Variants in PPAN observed in about 807,000 individuals in gnomAD.
The protein encoded by PPAN is suppressor of SWI4 1 homolog.
Under a neutral mutation model 48.5 loss-of-function variants are expected in PPAN, and 39 were observed. The observed-to-expected ratio is 0.80, with a 90% CI of 0.62 to 1.05. PPAN has a LOEUF of 1.05. Among genes scored for constraint, PPAN ranks in the 50% least tolerant of loss-of-function variants. The probability of loss-of-function intolerance (pLI) is 0.00; values close to 1 mark genes in which losing one functional copy is unlikely to be tolerated. For missense variants in PPAN, 736 were observed against 661.7 expected (o/e 1.11, Z -1.23); for synonymous variants, 315 against 268.6 (o/e 1.17, Z -1.69).
Position 10,111,603 on chromosome 19 carries a change from C to A in PPAN, c.*438C>A. On this transcript the variant is annotated 3_prime_UTR_variant, in exon 12 of 12. Transcript: ENST00000253107. ...GGGTGGAAAGGCACGCTGGCCTGCT[C>A]TGCTGGCTGGGCCAGTAACTGGGGA... 7.6e-7 allele frequency: 1 copy of A among 1,323,286 alleles called. No homozygotes were observed. The highest frequency in any genetic ancestry group is 1.1e-6 in the Non-Finnish European group (1 of 925,384). 82.0% of individuals were successfully genotyped at this position (1,323,286 alleles called of 1,614,324 possible). A position where few individuals can be genotyped will look rare whatever the true frequency, so the allele number is the denominator to read the frequency against.
At position 10,109,700 on chromosome 19, in the gene PPAN, C is replaced by A; in HGVS notation, c.583C>A (p.Arg195Ser). The stretch of plus-strand genomic sequence containing the variant: ...CCCCGACTCCCAGGAGCTGGACTTC[C>A]GCCACTAGTGAGTGTCCCAGCAGGA... ...YNPDSQELDF[R>S]HYSIKVVPVG... is the part of the protein sequence containing the mutation. The change falls in exon 6 of 12, where the codon CGC becomes AGC. Residue 195 changes from arginine (R) to serine (S), a missense_variant. Physicochemically the swap from Arg to Ser is moderately radical, Grantham distance 110. Coordinates refer to ENST00000253107, the MANE Select transcript of PPAN (RefSeq NM_020230.7). 6.2e-7 allele frequency: 1 copy of A among 1,613,816 alleles called. No individual in the cohort carries two copies.
rs533903308 is a variant in PPAN, at chr19:10,111,079, G to A, written c.1336G>A (p.Ala446Thr). 14 of 1,613,194 alleles carry A rather than the reference G, an allele frequency of 8.7e-6. No homozygotes were observed. The highest frequency in any genetic ancestry group is 1.6e-4 in the Middle Eastern group (1 of 6,062). ...CAAGACCAAGGACAAGTCCCAGGGA[G>A]CCCAGGCCAGGCGGGGGCCCAGAGG... ...FPKTKDKSQG[A>T]QARRGPRGAS... Residue 446 changes from alanine (A) to threonine (T), a missense_variant, in exon 12 of 12, where the codon GCC becomes ACC. Physicochemically the swap from Ala to Thr is moderately conservative, Grantham distance 58. Coordinates refer to ENST00000253107, the MANE Select transcript of PPAN (RefSeq NM_020230.7).
rs561050571 is a variant in PPAN at position 10,111,597 on chromosome 19, C to A, written c.*432C>A. The A allele has an allele frequency of 3.3e-6, 4 of 1,229,774 alleles. No homozygotes were observed. The highest frequency in any genetic ancestry group is 4.7e-6 in the Non-Finnish European group (4 of 843,750). 76.2% of individuals were successfully genotyped at this position (1,229,774 alleles called of 1,614,324 possible). ...AAACGTGGGTGGAAAGGCACGCTGGCCTGCTCTGCTGGCTGGGCCAGTAAC... is the reference window on the plus strand; with the variant it reads ...AAACGTGGGTGGAAAGGCACGCTGGACTGCTCTGCTGGCTGGGCCAGTAAC... On this transcript the variant is annotated 3_prime_UTR_variant, in exon 12 of 12. Coordinates refer to ENST00000253107, the MANE Select transcript of PPAN (RefSeq NM_020230.7).
rs149537532 is a variant in PPAN, at chr19:10,107,832, C to T, written c.320C>T (p.Thr107Ile). 68 of 1,613,592 alleles carry T rather than the reference C, an allele frequency of 4.2e-5. No individual in the cohort carries two copies. Among genetic ancestry groups the T allele is most frequent in the Non-Finnish European group, 5.3e-5 (63 of 1,179,660 alleles). The change falls in exon 4 of 12, where the codon ACC (threonine) becomes ATC (isoleucine). Residue 107 changes from threonine (T) to isoleucine (I), a missense_variant. Coordinates refer to ENST00000253107, the MANE Select transcript of PPAN (RefSeq NM_020230.7). The stretch of plus-strand genomic sequence containing the variant: ...CTGATGCGCCTCCCAGGAGGCCCCA[C>T]CTTGACCTTCCAGGTCAAGAAGGTG... ...FKLMRLPGGP[T>I]LTFQVKKYSL...
Position 10,107,773 on chromosome 19 carries a change from C to T in PPAN, c.292-31C>T, listed in dbSNP as rs1291703802. On this transcript the variant is annotated intron_variant, in intron 3 of 11. Transcript: ENST00000253107. The stretch of plus-strand genomic sequence containing the variant: ...CTCCGGGCACCTCTGCTAGACCCCT[C>T]CAGAGTCACTGATCTTTTCTTCTCC... 4 of 1,613,738 alleles carry T rather than the reference C, an allele frequency of 2.5e-6. No individual in the cohort carries two copies. In the South Asian group the frequency reaches 3.3e-5, roughly 13 times the overall value.
chr19:10,111,276 A>C lies in PPAN; in HGVS notation c.*111A>C. ...GTTGTGTCCCCAGCCCTTCCACTCC[A>C]GTAAAGAACTGAATTGGCCAGGGGT... is the stretch of plus-strand genomic sequence containing the variant. On this transcript the variant is annotated 3_prime_UTR_variant, in exon 12 of 12. Coordinates refer to ENST00000253107, the MANE Select transcript of PPAN (RefSeq NM_020230.7). 1.6e-6 allele frequency: 2 copies of C among 1,252,218 alleles called. No homozygotes were observed. The highest frequency in any genetic ancestry group is 2.1e-6 in the Non-Finnish European group (2 of 931,818). The allele number at this position is 1,252,218 out of a possible 1,614,324, so 77.6% of individuals were successfully genotyped here.
At chr19:10,108,173 G>A in intron 5 of PPAN, 39 bp downstream of exon 5, 1 of 1,575,922 alleles carries the variant, frequency 6.3e-7, no homozygotes, top group South Asian at 1.2e-5. Flanking sequence ...ATGGGGGGGT[G>A]CAGCGGATAG....
Position 10,111,953 on chromosome 19 carries a change from TAAAA to T in PPAN, c.*792_*795del, listed in dbSNP as rs948670837. 1.3e-5 allele frequency among the ~76,000 whole-genome samples: 2 copies of T among 151,540 alleles called. No individual in the cohort carries two copies. The highest frequency in any genetic ancestry group is 2.4e-5 in the African/African-American group (1 of 41,196). On this transcript the variant is annotated 3_prime_UTR_variant, in exon 12 of 12. Transcript: ENST00000253107. ...GGAGAAACCCCGTCTCTACTAAAAA[TAAAA>T]AAATTAGCTGGGCCTGGTGGCACAT...
rs868499487 is a variant in PPAN, at chr19:10,106,638, G to T, written c.156G>T (p.Arg52=). The T allele has an allele frequency of 6.5e-7, 1 of 1,546,434 alleles. No homozygotes were observed. The highest frequency in any genetic ancestry group is 1.2e-5 in the South Asian group (1 of 84,324). Residue 52 remains arginine, a synonymous_variant, in exon 2 of 12, where the codon CGG becomes CGT. Coordinates refer to ENST00000253107, the MANE Select transcript of PPAN (RefSeq NM_020230.7). ...GGCAGCTCAGCCTGGACGTGCGGCGGGTCATGGAGCCGCTCACTGCCAGCC... is the reference window on the plus strand; with the variant it reads ...GGCAGCTCAGCCTGGACGTGCGGCGTGTCATGGAGCCGCTCACTGCCAGCC... ...NIRQLSLDVR[R]VMEPLTASRL...
At chr19:10,108,724 C>A (rs955305022) in intron 5 of PPAN, among the ~76,000 whole-genome samples, 2 of 150,868 alleles carry the variant, frequency 1.3e-5, no homozygotes, top group African/African-American at 2.4e-5. Flanking sequence ...TCTACTCCAT[C>A]CTGGGTGACA....
chr19:10,108,053 C>G lies in PPAN; in HGVS notation c.432C>G (p.Asn144Lys), dbSNP rs1017225391. 6.2e-7 allele frequency: 1 copy of G among 1,614,036 alleles called. No homozygotes were observed. Among genetic ancestry groups the G allele is most frequent in the East Asian group, 2.2e-5 (1 of 44,892 alleles). Residue 144 changes from asparagine (N) to lysine (K), a missense_variant, in exon 5 of 12, where the codon AAC becomes AAG. Physicochemically the swap from Asn to Lys is moderately conservative, Grantham distance 94. Coordinates refer to ENST00000253107, the MANE Select transcript of PPAN (RefSeq NM_020230.7). ...QFAHPPLLVL[N>K]SFGPHGMHVK... ...CCCACCCACCCCTCCTGGTACTCAA[C>G]AGCTTTGGCCCCCATGGTATGCATG...
rs1196818779 is a variant in PPAN, at chr19:10,109,979, C to T, written c.657C>T (p.Pro219=). 1.9e-6 allele frequency: 3 copies of T among 1,614,048 alleles called. No individual in the cohort carries two copies. The highest frequency in any genetic ancestry group is 2.2e-5 in the South Asian group (2 of 91,086). ...GMKKLLQEKF[P]NMSRLQDISE... ...AGAAGCTGCTCCAGGAGAAGTTCCC[C>T]AACATGAGCCGCCTGCAGGACATCA... The change falls in exon 7 of 12, where the codon CCC becomes CCT. Residue 219 remains proline, a synonymous_variant. Transcript: ENST00000253107.
chr19:10,107,937 C>A, intron 4 of PPAN, 27 bp from the exon 5 acceptor site: 1 of 1,598,192 alleles, frequency 6.3e-7, no homozygotes, highest in Non-Finnish European at 8.6e-7. Flanking sequence ...GGTTGGTGGT[C>A]ACCCCCTCCT....
chr19:10,109,016 C>T (rs913120459), intron 5 of PPAN, among the ~76,000 whole-genome samples: 5 of 147,012 alleles, frequency 3.4e-5, no homozygotes, highest in Admixed American at 6.9e-5. Flanking sequence ...GGCTGGAGTG[C>T]GGTGGCACAA....
Position 10,106,363 on chromosome 19 carries a change from G to A in PPAN, c.-32G>A, listed in dbSNP as rs1369907370. 6.5e-6 allele frequency: 10 copies of A among 1,548,872 alleles called. No individual in the cohort carries two copies. Among genetic ancestry groups the A allele is most frequent in the South Asian group, 1.2e-5 (1 of 83,906 alleles). ...GAGCTGCGCAGCGCCGGAAGCGGCG[G>A]ACGCAGGAGGCCTCGTGGAGGACAC... is the stretch of plus-strand genomic sequence containing the variant. On this transcript the variant is annotated 5_prime_UTR_variant, in exon 1 of 12. Coordinates refer to ENST00000253107, the MANE Select transcript of PPAN (RefSeq NM_020230.7).
At chr19:10,107,877 A>G (rs1382741270) in intron 4 of PPAN, 23 bp downstream of exon 4, 2 of 1,611,086 alleles carry the variant, frequency 1.2e-6, no homozygotes, top group Non-Finnish European at 1.7e-6. Context: ...GAGGTGGTAC[A>G]AAGCCATGTG....
chr19:10,111,171 A>AGCCGCAC lies in PPAN; in HGVS notation c.*7_*13dup. 6.4e-7 allele frequency: 1 copy of AGCCGCAC among 1,566,654 alleles called. No homozygotes were observed. Among genetic ancestry groups the AGCCGCAC allele is most frequent in the East Asian group, 2.3e-5 (1 of 42,954 alleles). On this transcript the variant is annotated 3_prime_UTR_variant, in exon 12 of 12. Coordinates refer to ENST00000253107, the MANE Select transcript of PPAN (RefSeq NM_020230.7). ...CAGGGAAGAGAGTGGCCTGAGCCCA[A>AGCCGCAC]GCCGCACCGGAGCAGCGGCTGGATT...
chr19:10,111,621 A>G lies in PPAN; in HGVS notation c.*456A>G, dbSNP rs1361272576. 1 of 1,485,466 alleles carries G rather than the reference A, an allele frequency of 6.7e-7. No homozygotes were observed. The highest frequency in any genetic ancestry group is 2.3e-5 in the East Asian group (1 of 44,062). 92.0% of individuals were successfully genotyped at this position (1,485,466 alleles called of 1,614,324 possible). ...GCCTGCTCTGCTGGCTGGGCCAGTA[A>G]CTGGGGATGGGGCTGGGGCAGGGCC... On this transcript the variant is annotated 3_prime_UTR_variant, in exon 12 of 12. Coordinates refer to ENST00000253107, the MANE Select transcript of PPAN (RefSeq NM_020230.7).
Position 10,111,475 on chromosome 19 carries a change from C to G in PPAN, c.*310C>G. The G allele has an allele frequency of 1.6e-6, 1 of 622,610 alleles. No homozygotes were observed. Among genetic ancestry groups the G allele is most frequent in the Non-Finnish European group, 2.8e-6 (1 of 355,674 alleles). The allele number at this position is 622,610 out of a possible 1,614,324, so 38.6% of individuals were successfully genotyped here. On this transcript the variant is annotated 3_prime_UTR_variant, in exon 12 of 12. Coordinates refer to ENST00000253107, the MANE Select transcript of PPAN (RefSeq NM_020230.7). ...TGGCAGCAGCAGCCATGAGTGGCCC[C>G]TCCCCCCAGTCCCACCAAAGAGCCG...
Sources: allele counts gnomAD v4.1 joint callset (sites outside exome capture counted in the v4.1 genomes callset), GRCh38; gene constraint gnomAD v4.1.1; transcripts MANE v1.5; gene names NCBI Gene and HGNC (gene_info 2026-07-23, HGNC 2026-07-21).